ZNF451: variants seen among roughly 807,000 people sequenced by gnomAD.
ZNF451 encodes E3 SUMO-protein ligase ZNF451.
In ZNF451, 80 loss-of-function variants were observed where a neutral mutation model predicts 107.1. The ratio of observed to expected loss-of-function variants is 0.75; its 90% CI spans 0.62 to 0.90. ZNF451 has a LOEUF of 0.90. Ranked by LOEUF, ZNF451 falls within the 40% of genes least tolerant of loss-of-function variation. The probability of loss-of-function intolerance (pLI) is 0.00; values close to 1 mark genes in which losing one functional copy is unlikely to be tolerated. For missense variants in ZNF451, 1,107 were observed against 1,236.2 expected (o/e 0.90, Z 1.57); for synonymous variants, 362 against 406.5 (o/e 0.89, Z 1.32).
At chr6:57,155,684 A>G (rs1047767092) in intron 13 of ZNF451, among the ~76,000 whole-genome samples, 5 of 152,166 alleles carry the variant, frequency 3.3e-5, no homozygotes, top group Non-Finnish European at 7.4e-5. Context: ...TTGCAGAGGC[A>G]AAACCATATT....
chr6:57,126,315 T>G (rs1830925669), intron 4 of ZNF451, among the ~76,000 whole-genome samples: 1 of 152,188 alleles, frequency 6.6e-6, no homozygotes, highest in Admixed American at 6.5e-5. Flanking sequence ...GCAAGCTCAT[T>G]GCTTGCTATC....
chr6:57,162,654 A>G (rs1644536167), intron 14 of ZNF451, among the ~76,000 whole-genome samples: 1 of 152,244 alleles, frequency 6.6e-6, no homozygotes, highest in Non-Finnish European at 1.5e-5. Context: ...CTGAACATCT[A>G]AAGAGTTCAG....
At chr6:57,090,755 C>T (rs1829024240) in intron 1 of ZNF451, 56 bp from the exon 2 acceptor site, 1 of 51,756 alleles carries the variant, frequency 1.9e-5, no homozygotes, top group Non-Finnish European at 3.2e-5. Flanking sequence ...CGGAAACGCT[C>T]TCTTCCTACA....
Position 57,168,447 on chromosome 6 carries a change from G to A in ZNF451, c.3164G>A (p.Arg1055Lys). Reference protein sequence around the residue: ...TEDVELEEAIRRSLEEM With the variant: ...TEDVELEEAIKRSLEEM ...GATGTGGAATTAGAAGAAGCTATTA[G>A]AAGAAGTCTTGAGGAAATGTAATTA... is the stretch of plus-strand genomic sequence containing the variant. The change falls in exon 15 of 15, where the codon AGA becomes AAA. Residue 1055 changes from arginine (R) to lysine (K), a missense_variant. This residue lies in a region of ZNF451 where 151 missense variants were observed against 173.3 expected (regional missense o/e 0.87). Transcript: ENST00000370706. 1 of 1,608,538 alleles carries A rather than the reference G, an allele frequency of 6.2e-7. No homozygotes were observed. Among genetic ancestry groups the A allele is most frequent in the Non-Finnish European group, 8.5e-7 (1 of 1,177,380 alleles).
At chr6:57,099,197 C>A in intron 3 of ZNF451, 56 bp downstream of exon 3, 1 of 1,367,754 alleles carries the variant, frequency 7.3e-7, no homozygotes, top group African/African-American at 1.4e-5. Flanking sequence ...AAGAGGTATT[C>A]TCTAAAGAGA....
intron 3 of ZNF451, chr6:57,116,921 T>C (rs1300312687): frequency 6.7e-6 from 1 of 149,842 alleles, no homozygotes; most frequent in Non-Finnish European, 1.5e-5. Flanking sequence ...GGACCTTATC[T>C]CTAAAGGAAA....
At chr6:57,141,825 A>G (rs890385138) in intron 8 of ZNF451, 123 bp from the exon 9 acceptor site, 1 of 852,380 alleles carries the variant, frequency 1.2e-6, no homozygotes, top group Non-Finnish European at 1.7e-6. Context: ...TTAGATTTTT[A>G]TTGCCAAAAT....
chr6:57,102,852 C>T, intron 3 of ZNF451: 8 of 985,358 alleles, frequency 8.1e-6, no homozygotes, highest in Non-Finnish European at 9.6e-6. Context: ...TGATGGCCAC[C>T]ATACCATCAC....
intron 2 of ZNF451, chr6:57,092,710 G>A (rs978217553): frequency 6.6e-5 from 10 of 152,168 alleles, no homozygotes; most frequent in Admixed American, 2.6e-4. Flanking sequence ...TAAAAAATGA[G>A]TATTGTGATG....
intron 2 of ZNF451, among the ~76,000 whole-genome samples, chr6:57,096,575 C>T (rs1382286156): frequency 7.8e-6 from 1 of 128,776 alleles, no homozygotes; most frequent in Admixed American, 9.9e-5. Flanking sequence ...TGCATGGGAA[C>T]TCTGCCTCTG....
intron 3 of ZNF451, chr6:57,102,836 A>G (rs532118677): frequency 1.0e-6 from 1 of 985,428 alleles, no homozygotes; most frequent in South Asian, 4.7e-5. Flanking sequence ...ATCTTCATCA[A>G]GACTTTGATG....
chr6:57,158,785 T>G, intron 13 of ZNF451: 1 of 985,490 alleles, frequency 1.0e-6, no homozygotes, highest in Non-Finnish European at 1.2e-6. Flanking sequence ...TGTATGCTCC[T>G]TAGATGGTCT....
intron 11 of ZNF451, 173 bp from the exon 12 acceptor site, chr6:57,152,048 G>C (rs2127982313): frequency 1.9e-6 from 1 of 528,206 alleles, no homozygotes; most frequent in East Asian, 3.1e-5. Context: ...ACTTTCTCAA[G>C]ACTTTAAAGC....
At chr6:57,108,418 T>C (rs1357137128) in intron 3 of ZNF451, 2 of 985,308 alleles carry the variant, frequency 2.0e-6, no homozygotes, top group Admixed American at 6.1e-5. Context: ...AATAACTATA[T>C]GTTGTGGTCC....
intron 5 of ZNF451, among the ~76,000 whole-genome samples, 196 bp downstream of exon 5, chr6:57,129,036 T>C (rs1831060297): frequency 6.6e-6 from 1 of 152,200 alleles, no homozygotes; most frequent in Non-Finnish European, 1.5e-5. Flanking sequence ...CACAAGTATA[T>C]TTGAGTATAA....
At position 57,154,031 on chromosome 6, in the gene ZNF451, A is replaced by G. The variant is rs1268913156; in HGVS notation, c.3054A>G (p.Ile1018Met). The G allele has an allele frequency of 6.2e-7, 1 of 1,614,076 alleles. No individual in the cohort carries two copies. Among genetic ancestry groups the G allele is most frequent in the East Asian group, 2.2e-5 (1 of 44,892 alleles). Residue 1018 changes from isoleucine (I) to methionine (M), a missense_variant, in exon 13 of 15, where the codon ATA becomes ATG. Coordinates refer to ENST00000370706, the MANE Select transcript of ZNF451 (RefSeq NM_001031623.3). Reference protein sequence around the residue: ...GDMMCALLNSISDTTKECDSD... With the variant: ...GDMMCALLNSMSDTTKECDSD... The stretch of plus-strand genomic sequence containing the variant: ...TGATGTGTGCCTTGTTAAATAGCAT[A>G]TCTGATACCACCAAAGGTACGCAGC...
chr6:57,117,899 C>G (rs149493200), intron 3 of ZNF451, among the ~76,000 whole-genome samples: 1 of 152,056 alleles, frequency 6.6e-6, no homozygotes, highest in Non-Finnish European at 1.5e-5. Context: ...TAGTTCTTCC[C>G]GAGTTAGGAT....
chr6:57,134,636 A>G, intron 6 of ZNF451, 108 bp from the exon 7 acceptor site: 2 of 935,872 alleles, frequency 2.1e-6, no homozygotes, highest in Middle Eastern at 3.4e-4. Flanking sequence ...AAAAGTGCAA[A>G]GTTCTGAATG....
Position 57,147,376 on chromosome 6 carries a change from A to G in ZNF451, c.1291A>G (p.Met431Val). 1 of 1,614,108 alleles carries G rather than the reference A, an allele frequency of 6.2e-7. No individual in the cohort carries two copies. The highest frequency in any genetic ancestry group is 8.5e-7 in the Non-Finnish European group (1 of 1,179,976). Residue 431 changes from methionine (M) to valine (V), a missense_variant, in exon 10 of 15, where the codon ATG (methionine) becomes GTG (valine). Met to Val is a conservative substitution (Grantham distance 21, BLOSUM62 1). Around this residue, in one of 5 missense-constraint regions of ZNF451, gnomAD observed 608 missense variants for 649.2 expected, o/e 0.94. Transcript: ENST00000370706. ...QSKFSSLKRT[M>V]SIKESSSLEC... ...AAAATTTTCATCACTTAAAAGAACC[A>G]TGTCTATTAAAGAATCTAGCTCACT...
Sources: allele counts gnomAD v4.1 joint callset (sites outside exome capture counted in the v4.1 genomes callset), GRCh38; gene constraint gnomAD v4.1.1; regional missense constraint gnomAD v4.1.1; transcripts MANE v1.5; gene names NCBI Gene and HGNC (gene_info 2026-07-23, HGNC 2026-07-21).